Variants in TRAK1 observed in about 807,000 individuals in gnomAD.
The protein encoded by TRAK1 is trafficking kinesin protein 1.
A neutral mutation model predicts 92.1 loss-of-function variants in TRAK1; 33 were observed. That is an observed-to-expected ratio of 0.36 (90% CI 0.27 to 0.48). The LOEUF is 0.48. Among genes scored for constraint, TRAK1 ranks in the 20% least tolerant of loss-of-function variants. TRAK1 has a pLI of 0.99. For missense variants in TRAK1, 1,123 were observed against 1,257.9 expected, an observed-to-expected ratio of 0.89 and a Z score of 1.62; for synonymous variants, 521 against 517.3, an observed-to-expected ratio of 1.01 and a Z score of -0.10.
At chr3:42,022,930 T>G (rs1489902825) in intron 1 of TRAK1, among the ~76,000 whole-genome samples, 7 of 151,782 alleles carry the variant, frequency 4.6e-5, no homozygotes. Flanking sequence ...AGGCTGAGGC[T>G]GGCGGATCAC....
At chr3:42,076,349 C>A (rs974003266) in intron 1 of TRAK1, among the ~76,000 whole-genome samples, 1 of 150,762 alleles carries the variant, frequency 6.6e-6, no homozygotes, top group African/African-American at 2.4e-5. Context: ...CCTCAGCCTC[C>A]CGAGTAGCTG....
At chr3:42,201,891 C>T (rs1042102793) in intron 12 of TRAK1, among the ~76,000 whole-genome samples, 2 of 142,876 alleles carry the variant, frequency 1.4e-5, no homozygotes, top group Non-Finnish European at 3.1e-5. Flanking sequence ...CGGACACACA[C>T]ACACACACAC....
upstream of TRAK1, among the ~76,000 whole-genome samples, chr3:42,084,225 A>G (rs1168952586): frequency 1.3e-5 from 2 of 151,772 alleles, no homozygotes; most frequent in African/African-American, 2.4e-5. Flanking sequence ...TGCTTTAGGG[A>G]TGACTTCTCA....
At chr3:42,198,959 A>C (rs1258836613) in intron 10 of TRAK1, among the ~76,000 whole-genome samples, 2 of 152,134 alleles carry the variant, frequency 1.3e-5, no homozygotes, top group African/African-American at 4.8e-5. Context: ...CTTTACACTC[A>C]GTGCCCAGTG....
intron 5 of TRAK1, among the ~76,000 whole-genome samples, chr3:42,188,645 T>C (rs1705240535): frequency 6.6e-6 from 1 of 152,274 alleles, no homozygotes; most frequent in Non-Finnish European, 1.5e-5. Context: ...TTGTCATTTG[T>C]AAAATGGAGA....
intron 1 of TRAK1, among the ~76,000 whole-genome samples, chr3:42,038,575 C>T (rs539499631): frequency 2.9e-4 from 44 of 152,214 alleles, no homozygotes; most frequent in South Asian, 6.2e-4. Flanking sequence ...CACCTGAGCT[C>T]AGGAGTTCGA....
intron 10 of TRAK1, among the ~76,000 whole-genome samples, chr3:42,196,072 T>C (rs1706580574): frequency 6.6e-6 from 1 of 152,246 alleles, no homozygotes; most frequent in African/African-American, 2.4e-5. Context: ...AAAAGTCGAA[T>C]TGAAATTTGC....
chr3:42,173,448 A>G (rs1342371056), intron 2 of TRAK1, among the ~76,000 whole-genome samples: 1 of 152,120 alleles, frequency 6.6e-6, no homozygotes, highest in Non-Finnish European at 1.5e-5. Flanking sequence ...TATTTCTTGG[A>G]ACAGGAAATC....
At chr3:42,057,159 C>T (rs1281012219) in intron 1 of TRAK1, among the ~76,000 whole-genome samples, 1 of 152,190 alleles carries the variant, frequency 6.6e-6, no homozygotes, top group African/African-American at 2.4e-5. Context: ...CTCTAAATTA[C>T]TCTTTGCTGT....
intron 1 of TRAK1, among the ~76,000 whole-genome samples, chr3:42,097,268 T>C (rs1706074015): frequency 6.6e-6 from 1 of 152,224 alleles, no homozygotes; most frequent in Admixed American, 6.5e-5. Context: ...CAAATACCAC[T>C]GGGTTGGGGA....
intron 1 of TRAK1, among the ~76,000 whole-genome samples, chr3:42,027,875 G>T (rs1701979108): frequency 6.6e-6 from 1 of 152,036 alleles, no homozygotes; most frequent in Non-Finnish European, 1.5e-5. Flanking sequence ...TTGAGATGGA[G>T]TTTCGCTCTC....
At chr3:42,217,819 G>C in intron 14 of TRAK1, 1 of 985,254 alleles carries the variant, frequency 1.0e-6, no homozygotes. Flanking sequence ...GAAGAGAATC[G>C]TGATTGTTTG....
chr3:42,059,768 T>G (rs77341013), intron 1 of TRAK1, among the ~76,000 whole-genome samples: 2 of 152,164 alleles, frequency 1.3e-5, no homozygotes, highest in Admixed American at 6.5e-5. Flanking sequence ...AGGCAGGATA[T>G]AGGGTAACTT....
At chr3:42,185,764 C>T (rs1378270660) in intron 4 of TRAK1, among the ~76,000 whole-genome samples, 7 of 151,606 alleles carry the variant, frequency 4.6e-5, no homozygotes, top group Non-Finnish European at 1.0e-4. Context: ...TTCCACCCCC[C>T]GAGTTCAAGC....
intron 1 of TRAK1, among the ~76,000 whole-genome samples, chr3:42,120,959 A>T (rs1021933550): frequency 2.0e-5 from 3 of 152,198 alleles, no homozygotes; most frequent in Non-Finnish European, 4.4e-5. Flanking sequence ...TTTAGAACAA[A>T]AACTTCCTGA....
At chr3:42,179,775 T>TG (rs1559882937) in intron 3 of TRAK1, among the ~76,000 whole-genome samples, 1 of 152,224 alleles carries the variant, frequency 6.6e-6, no homozygotes, top group African/African-American at 2.4e-5. Flanking sequence ...CCTCATTTCT[T>TG]GGGGGAATAA....
intron 2 of TRAK1, among the ~76,000 whole-genome samples, chr3:42,148,907 CTTCT>C: frequency 6.6e-6 from 1 of 152,072 alleles, no homozygotes; most frequent in Non-Finnish European, 1.5e-5. Flanking sequence ...AATCCAGAGT[CTTCT>C]TTCTATCGTG....
At chr3:42,103,342 A>T (rs1707066828) in intron 1 of TRAK1, among the ~76,000 whole-genome samples, 1 of 150,316 alleles carries the variant, frequency 6.7e-6, no homozygotes, top group Non-Finnish European at 1.5e-5. Flanking sequence ...TAATTTTTGT[A>T]TTTTTTTTTC....
intron 2 of TRAK1, among the ~76,000 whole-genome samples, chr3:42,130,102 A>AT (rs1213528369): frequency 6.6e-6 from 1 of 151,600 alleles, no homozygotes; most frequent in South Asian, 2.1e-4. Context: ...TTTCCCTGTG[A>AT]TTTTCACCTC....
Sources: gnomAD v4.1 joint callset for allele counts (sites outside exome capture counted in the v4.1 genomes callset) on GRCh38, gnomAD v4.1.1 for gene constraint, MANE v1.5 for transcripts, NCBI Gene and HGNC (gene_info 2026-07-23, HGNC 2026-07-21) for gene names.